The following BCAS3 variants were observed in gnomAD, a reference collection of about 807,000 sequenced individuals.
The protein encoded by BCAS3 is BCAS4/BCAS3 fusion.
BCAS3 carries 53 observed loss-of-function variants against 116.1 expected under a neutral mutation model. That is an observed-to-expected ratio of 0.46 (90% CI 0.37 to 0.57). The LOEUF is 0.57. Ranked by LOEUF, BCAS3 falls within the 20% of genes least tolerant of loss-of-function variation. The pLI is 0.00. For missense variants in BCAS3, 917 were observed against 1,165.4 expected, an observed-to-expected ratio of 0.79 and a Z score of 3.10; for synonymous variants, 391 against 408.2, an observed-to-expected ratio of 0.96 and a Z score of 0.51.
At chr17:61,159,406 G>A (rs2078039213) in intron 22 of BCAS3, 1 of 152,146 alleles carries the variant, frequency 6.6e-6, no homozygotes, top group African/African-American at 2.4e-5. Context: ...ATGATTTCAG[G>A]TGAACATCTT....
intron 9 of BCAS3, among the ~76,000 whole-genome samples, chr17:60,874,942 A>G (rs1299352236): frequency 1.3e-5 from 2 of 152,106 alleles, no homozygotes; most frequent in Non-Finnish European, 2.9e-5. Context: ...TCTTTATATT[A>G]CTAAGCAAGC....
rs1324264152 is a variant in BCAS3, at chr17:61,235,807, T to C, written c.2426-132520T>C. Among the ~76,000 whole-genome samples, 1 of 152,112 alleles carries C rather than the reference T, an allele frequency of 6.6e-6. No individual in the cohort carries two copies. The highest frequency in any genetic ancestry group is 1.5e-5 in the Non-Finnish European group (1 of 68,020). On this transcript the variant is annotated intron_variant, in intron 22 of 23. Coordinates refer to ENST00000407086, the MANE Select transcript of BCAS3 (RefSeq NM_017679.5). This position sits in a 1 kb window ranked among gnomAD's most constrained non-coding sequence, Gnocchi z 5.0. ...CTGGGGGAAAAGGACTGATTATATG[T>C]TAGCTTAACAGTAATACTAGGAAAA... is the stretch of plus-strand genomic sequence containing the variant.
intron 22 of BCAS3, among the ~76,000 whole-genome samples, chr17:61,174,750 A>G (rs1261896831): frequency 6.6e-6 from 1 of 152,212 alleles, no homozygotes; most frequent in Non-Finnish European, 1.5e-5. Context: ...CGCACGGTGT[A>G]TTACCATACA....
At chr17:61,114,736 C>T (rs1445075046) in intron 22 of BCAS3, among the ~76,000 whole-genome samples, 1 of 151,688 alleles carries the variant, frequency 6.6e-6, no homozygotes, top group Admixed American at 6.6e-5. Context: ...TTGGAAAAAA[C>T]TACTTTAAAG....
At chr17:60,783,950 G>A (rs921565258) in intron 6 of BCAS3, among the ~76,000 whole-genome samples, 3 of 152,162 alleles carry the variant, frequency 2.0e-5, no homozygotes, top group African/African-American at 7.2e-5. Flanking sequence ...GCCACATAAA[G>A]TTTCCTTAAA....
At chr17:60,747,076 G>T (rs2042067425) in intron 5 of BCAS3, 122 bp from the exon 6 acceptor site, 2 of 591,922 alleles carry the variant, frequency 3.4e-6, no homozygotes, top group East Asian at 2.8e-5. Flanking sequence ...AAATGGGTGT[G>T]GGTGTATGTA....
intron 6 of BCAS3, among the ~76,000 whole-genome samples, chr17:60,787,531 G>T (rs2046383780): frequency 6.6e-6 from 1 of 152,056 alleles, no homozygotes; most frequent in Non-Finnish European, 1.5e-5. Flanking sequence ...AAGTCTTTTT[G>T]CATCATAGAG....
intron 22 of BCAS3, among the ~76,000 whole-genome samples, chr17:61,320,620 G>C (rs979628436): frequency 6.6e-6 from 1 of 151,538 alleles, no homozygotes; most frequent in South Asian, 2.1e-4. Context: ...AGCTTGCAGT[G>C]AGCCGAGATT....
At chr17:61,182,047 A>T (rs533601070) in intron 22 of BCAS3, among the ~76,000 whole-genome samples, 46 of 151,992 alleles carry the variant, frequency 3.0e-4, no homozygotes, top group Non-Finnish European at 6.2e-4. Context: ...CTAATTTTTT[A>T]AAATTTTTGT....
chr17:61,043,374 G>C (rs2067704300), intron 19 of BCAS3, among the ~76,000 whole-genome samples: 1 of 152,024 alleles, frequency 6.6e-6, no homozygotes. Flanking sequence ...TCTCAAAAAA[G>C]AGAGGGACAA....
chr17:60,859,089 C>G (rs1361239856), intron 7 of BCAS3, among the ~76,000 whole-genome samples: 1 of 151,836 alleles, frequency 6.6e-6, no homozygotes, highest in East Asian at 1.9e-4. Context: ...AATTTTAATG[C>G]TGACATTAAA....
intron 6 of BCAS3, among the ~76,000 whole-genome samples, chr17:60,804,968 G>T (rs912660547): frequency 6.7e-6 from 1 of 148,436 alleles, no homozygotes; most frequent in Non-Finnish European, 1.5e-5. Context: ...TTTGAGTGTC[G>T]GGTTTTTTTT....
chr17:60,773,287 C>CTTT lies in BCAS3; in HGVS notation c.403+26028_403+26030dup, dbSNP rs1210680882. Among the ~76,000 whole-genome samples the CTTT allele has an allele frequency of 7.2e-4, 66 of 91,958 alleles. 1 individual carries two copies. Among genetic ancestry groups the CTTT allele is most frequent in the East Asian group, 4.6e-3 (16 of 3,470 alleles). 60.3% of individuals were successfully genotyped at this position (91,958 alleles called of 152,430 possible). On this transcript the variant is annotated intron_variant, in intron 6 of 23. Coordinates refer to ENST00000407086, the MANE Select transcript of BCAS3 (RefSeq NM_017679.5). ...TTTGTATTATCTGACTCTTCAGGTC[C>CTTT]TTTTTTTTTTTTTTTTTTTTTTGGG...
In BCAS3 at chr17:61,368,210, C is replaced by A; in HGVS notation, c.2426-117C>A. ...CAGTCTGTTGGCGGCGTGCTTCCAT[C>A]CTACAGGAAGGCTACAATGGACCCT... is the stretch of plus-strand genomic sequence containing the variant. On this transcript the variant is annotated intron_variant, in intron 22 of 23. Transcript: ENST00000407086. The surrounding 1 kb of genome is among the most constrained non-coding windows in gnomAD (Gnocchi z 6.0). 8.7e-7 allele frequency: 1 copy of A among 1,150,564 alleles called. No homozygotes were observed. The highest frequency in any genetic ancestry group is 1.2e-6 in the Non-Finnish European group (1 of 822,118). The allele number at this position is 1,150,564 out of a possible 1,614,324, so 71.3% of individuals were successfully genotyped here.
At chr17:60,839,850 C>T (rs1031607270) in intron 7 of BCAS3, among the ~76,000 whole-genome samples, 1 of 152,124 alleles carries the variant, frequency 6.6e-6, no homozygotes, top group African/African-American at 2.4e-5. Context: ...TTCACTTATA[C>T]ATGCACATTC....
At chr17:60,942,352 G>A (rs531928928) in intron 13 of BCAS3, among the ~76,000 whole-genome samples, 1 of 152,210 alleles carries the variant, frequency 6.6e-6, no homozygotes, top group East Asian at 1.9e-4. Flanking sequence ...GCTTGAACCC[G>A]GGAGGCGGAG....
At chr17:60,780,097 C>T (rs2045668416) in intron 6 of BCAS3, among the ~76,000 whole-genome samples, 1 of 151,088 alleles carries the variant, frequency 6.6e-6, no homozygotes, top group Non-Finnish European at 1.5e-5. Flanking sequence ...TCAAGCGATT[C>T]TTCTGCCTCG....
chr17:60,788,865 A>C (rs766816668), intron 6 of BCAS3, among the ~76,000 whole-genome samples: 7 of 152,328 alleles, frequency 4.6e-5, no homozygotes, highest in Non-Finnish European at 8.8e-5. Context: ...CTAAAAATTT[A>C]CATATAAAAT....
At chr17:60,919,320 C>T (rs986282964) in intron 12 of BCAS3, among the ~76,000 whole-genome samples, 1 of 152,046 alleles carries the variant, frequency 6.6e-6, no homozygotes, top group African/African-American at 2.4e-5. Context: ...TCAGGTATAA[C>T]ACTTCTAATT....
Sources: allele counts gnomAD v4.1 joint callset (sites outside exome capture counted in the v4.1 genomes callset), GRCh38; gene constraint gnomAD v4.1.1; non-coding constraint Gnocchi (gnomAD v3.1); transcripts MANE v1.5; gene names NCBI Gene and HGNC (gene_info 2026-07-23, HGNC 2026-07-21).